Variants in PRCP observed in about 807,000 individuals in gnomAD.
PRCP encodes the protein lysosomal Pro-X carboxypeptidase.
Under a neutral mutation model 54.2 loss-of-function variants are expected in PRCP, and 46 were observed. The observed-to-expected ratio is 0.85, with a 90% CI of 0.67 to 1.09. PRCP has a LOEUF of 1.09. PRCP is among the 50% of genes least tolerant of loss of function. The pLI, the probability that PRCP is intolerant of heterozygous loss-of-function variation, is 0.00. For synonymous variants in PRCP, 240 were observed against 212.2 expected (o/e 1.13, Z -1.14); for missense variants, 613 against 596.8 (o/e 1.03, Z -0.28).
chr11:82,856,522 G>A (rs901294453), intron 2 of PRCP, among the ~76,000 whole-genome samples: 8 of 152,032 alleles, frequency 5.3e-5, no homozygotes, highest in Non-Finnish European at 1.0e-4. Flanking sequence ...CTACTAGAGG[G>A]GCTAATAGTG....
chr11:82,834,726 A>G (rs1014680294), intron 8 of PRCP, among the ~76,000 whole-genome samples: 20 of 152,224 alleles, frequency 1.3e-4, no homozygotes, highest in Non-Finnish European at 2.8e-4. Flanking sequence ...AGGGAGGGGA[A>G]CAACACACAC....
chr11:82,848,537 T>C (rs1451903561), intron 6 of PRCP, among the ~76,000 whole-genome samples: 1 of 152,202 alleles, frequency 6.6e-6, no homozygotes, highest in African/African-American at 2.4e-5. Context: ...TTTCAGAATC[T>C]AATTTGATGT....
intron 8 of PRCP, 149 bp from the exon 9 acceptor site, chr11:82,825,271 T>G (rs1245326995): frequency 2.9e-6 from 2 of 698,746 alleles, no homozygotes; most frequent in Non-Finnish European, 4.7e-6. Context: ...ATTTATCATA[T>G]GGATAGATAC....
intron 1 of PRCP, among the ~76,000 whole-genome samples, chr11:82,880,870 C>G (rs1315022397): frequency 6.7e-6 from 1 of 150,098 alleles, no homozygotes; most frequent in Non-Finnish European, 1.5e-5. Flanking sequence ...CAAGGAAGGA[C>G]TTAATTTTCA....
intron 1 of PRCP, 193 bp downstream of exon 1, chr11:82,900,042 A>G: frequency 1.5e-6 from 1 of 670,462 alleles, no homozygotes; most frequent in Non-Finnish European, 2.5e-6. Flanking sequence ...CTACCAAATT[A>G]TTGGTAATGG....
intron 2 of PRCP, among the ~76,000 whole-genome samples, chr11:82,859,565 T>A (rs1047279967): frequency 6.6e-6 from 1 of 152,140 alleles, no homozygotes; most frequent in African/African-American, 2.4e-5. Flanking sequence ...GTTTCCCTTA[T>A]ATGCTTGTTC....
intron 1 of PRCP, among the ~76,000 whole-genome samples, chr11:82,888,458 A>C (rs1042638292): frequency 1.3e-5 from 2 of 152,256 alleles, no homozygotes; most frequent in East Asian, 3.8e-4. Flanking sequence ...AATCATAAAA[A>C]GTTTACTTTA....
chr11:82,833,376 T>C (rs1858437396), intron 8 of PRCP, among the ~76,000 whole-genome samples: 1 of 152,120 alleles, frequency 6.6e-6, no homozygotes, highest in South Asian at 2.1e-4. Flanking sequence ...AAAAAGAGGA[T>C]GAGAAAGGAC....
chr11:82,900,295 G>T lies in PRCP; in HGVS notation c.108C>A (p.Thr36=). The part of the protein sequence containing the change: ...LRALGSLHLP[T]NPTSLPAVAK... ...CTACAGCCGGGAGGGATGTGGGGTT[G>T]GTTGGCAAGTGTAGGCTGCCGAGGG... is the stretch of plus-strand genomic sequence containing the variant. Residue 36 remains threonine (T), a synonymous_variant, in exon 1 of 9, where the codon ACC becomes ACA. Transcript: ENST00000313010. 1 of 1,614,276 alleles carries T rather than the reference G, an allele frequency of 6.2e-7. No individual in the cohort carries two copies. Among genetic ancestry groups the T allele is most frequent in the Middle Eastern group, 1.6e-4 (1 of 6,062 alleles).
At chr11:82,876,955 C>G (rs933986510) in intron 1 of PRCP, among the ~76,000 whole-genome samples, 1 of 152,110 alleles carries the variant, frequency 6.6e-6, no homozygotes, top group East Asian at 1.9e-4. Flanking sequence ...TTGGAACCTC[C>G]TAGAGACTTG....
chr11:82,834,676 A>C (rs1382787524), intron 8 of PRCP, among the ~76,000 whole-genome samples: 1 of 152,198 alleles, frequency 6.6e-6, no homozygotes, highest in African/African-American at 2.4e-5. Flanking sequence ...GCATGTTCTC[A>C]TTTATAAGTG....
intron 8 of PRCP, chr11:82,827,429 T>A (rs565670228): frequency 1.3e-5 from 2 of 152,176 alleles, no homozygotes; most frequent in African/African-American, 4.8e-5. Flanking sequence ...TCTGAGTTGA[T>A]TTTTTTGTTA....
chr11:82,876,929 G>A (rs572025264), intron 1 of PRCP, among the ~76,000 whole-genome samples: 6 of 152,280 alleles, frequency 3.9e-5, no homozygotes, highest in Non-Finnish European at 8.8e-5. Context: ...AATAAGATAG[G>A]AAAATGTGGG....
chr11:82,829,802 C>T (rs1368970433), intron 8 of PRCP: 1 of 152,216 alleles, frequency 6.6e-6, no homozygotes, highest in Non-Finnish European at 1.5e-5. Context: ...TCTGTGGCCT[C>T]ATACTGGATG....
At chr11:82,840,498 GTGA>G (rs1747495223) in intron 6 of PRCP, 1 of 152,094 alleles carries the variant, frequency 6.6e-6, no homozygotes, top group Admixed American at 6.5e-5. Context: ...GATAGATGAA[GTGA>G]TGGATAGGTG....
intron 1 of PRCP, among the ~76,000 whole-genome samples, chr11:82,861,503 A>G (rs1434348366): frequency 6.6e-6 from 1 of 152,190 alleles, no homozygotes; most frequent in African/African-American, 2.4e-5. Context: ...CTAGTAATTA[A>G]TTTTGTTAGT....
chr11:82,876,497 A>C (rs1327885385), intron 1 of PRCP, among the ~76,000 whole-genome samples: 1 of 152,112 alleles, frequency 6.6e-6, no homozygotes. Flanking sequence ...TCTCAACTTG[A>C]ATTGTATCTC....
intron 1 of PRCP, among the ~76,000 whole-genome samples, chr11:82,869,794 G>T (rs1221961505): frequency 6.6e-6 from 1 of 152,212 alleles, no homozygotes; most frequent in African/African-American, 2.4e-5. Context: ...TATTGGGTGG[G>T]TCTGTTCCCA....
chr11:82,833,347 T>C (rs1374506777), intron 8 of PRCP, among the ~76,000 whole-genome samples: 1 of 152,176 alleles, frequency 6.6e-6, no homozygotes, highest in Non-Finnish European at 1.5e-5. Context: ...GGAGAAGGTA[T>C]GAATCTTAAG....
Sources: allele counts gnomAD v4.1 joint callset (sites outside exome capture counted in the v4.1 genomes callset), GRCh38; gene constraint gnomAD v4.1.1; transcripts MANE v1.5; gene names NCBI Gene and HGNC (gene_info 2026-07-23, HGNC 2026-07-21).